The following ABCA1 variants were observed in gnomAD, a reference collection of about 807,000 sequenced individuals.
ABCA1 encodes phospholipid-transporting ATPase ABCA1.
In ABCA1, 133 loss-of-function variants were observed where a neutral mutation model predicts 262.5. The observed-to-expected ratio is 0.51, with a 90% confidence interval of 0.44 to 0.59. ABCA1 has a LOEUF of 0.59. Among genes scored for constraint, ABCA1 ranks in the 20% least tolerant of loss-of-function variants. The probability of loss-of-function intolerance (pLI) is 0.00; values close to 1 mark genes in which losing one functional copy is unlikely to be tolerated. For synonymous variants in ABCA1, 1,022 were observed against 1,043.5 expected (o/e 0.98, Z 0.40); for missense variants, 2,452 against 2,777.5 (o/e 0.88, Z 2.63).
chr9:104,824,660 TTG>T, intron 17 of ABCA1, 82 bp from the exon 18 acceptor site: 1 of 1,484,260 alleles, frequency 6.7e-7, no homozygotes, highest in Non-Finnish European at 9.3e-7. Flanking sequence ...CATTTCCTCC[TTG>T]ACACATCCTT....
At chr9:104,813,770 T>C (rs1831486343) in intron 27 of ABCA1, among the ~76,000 whole-genome samples, 1 of 152,254 alleles carries the variant, frequency 6.6e-6, no homozygotes. Flanking sequence ...CCTTTCTGAC[T>C]CTTTCAAAAT....
intron 15 of ABCA1, among the ~76,000 whole-genome samples, chr9:104,827,978 G>A (rs1832945203): frequency 6.6e-6 from 1 of 152,194 alleles, no homozygotes; most frequent in Admixed American, 6.5e-5. Flanking sequence ...TATTAAATTA[G>A]TTAGTTCTTA....
chr9:104,831,868 GACA>G, intron 12 of ABCA1, 41 bp from the exon 13 acceptor site: 1 of 1,589,756 alleles, frequency 6.3e-7, no homozygotes, highest in South Asian at 1.1e-5. Context: ...TGGCAGCCAG[GACA>G]ACAAGCAGTG....
chr9:104,804,864 A>G (rs1830632510), intron 31 of ABCA1, 144 bp from the exon 32 acceptor site: 1 of 750,148 alleles, frequency 1.3e-6, no homozygotes, highest in Non-Finnish European at 2.4e-6. Context: ...GTCAACCAGC[A>G]CTGAGACTTG....
intron 1 of ABCA1, among the ~76,000 whole-genome samples, chr9:104,921,484 A>G (rs1842136931): frequency 6.6e-6 from 1 of 152,222 alleles, no homozygotes; most frequent in Admixed American, 6.5e-5. Context: ...AGACTAGAGC[A>G]TTTTCTTAAA....
At chr9:104,859,458 T>C (rs997932631) in intron 6 of ABCA1, among the ~76,000 whole-genome samples, 18 of 144,436 alleles carry the variant, frequency 1.2e-4, no homozygotes, top group African/African-American at 4.9e-4. Context: ...TGAAACATTA[T>C]AGCCAGTATT....
intron 1 of ABCA1, among the ~76,000 whole-genome samples, chr9:104,918,950 C>A (rs890784143): frequency 1.3e-5 from 2 of 152,158 alleles, no homozygotes; most frequent in African/African-American, 4.8e-5. Flanking sequence ...ACCTGGCATC[C>A]TACAAGAATT....
At chr9:104,820,556 G>A (rs1832232033) in intron 20 of ABCA1, among the ~76,000 whole-genome samples, 1 of 152,196 alleles carries the variant, frequency 6.6e-6, no homozygotes, top group South Asian at 2.1e-4. Flanking sequence ...TAGATAAGAA[G>A]AAACATAAGG....
At chr9:104,819,509 T>C (rs1022787864) in intron 22 of ABCA1, 77 bp downstream of exon 22, 2 of 1,600,974 alleles carry the variant, frequency 1.2e-6, no homozygotes, top group African/African-American at 2.7e-5. Flanking sequence ...AGCCTAGCCA[T>C]GAGATACAGC....
chr9:104,853,894 T>C (rs187210478), intron 7 of ABCA1, among the ~76,000 whole-genome samples: 6 of 152,342 alleles, frequency 3.9e-5, no homozygotes, highest in African/African-American at 1.4e-4. Context: ...CCTGCAAAGA[T>C]GTCCACACCC....
intron 1 of ABCA1, among the ~76,000 whole-genome samples, chr9:104,920,604 T>C (rs6479285): frequency 0.15 from 22,144 of 152,170 alleles, 2,434 homozygotes; most frequent in African/African-American, 0.31. Context: ...CTCTGCCTCC[T>C]GGGTTCAAGC....
intron 7 of ABCA1, among the ~76,000 whole-genome samples, chr9:104,852,999 A>AC: frequency 1.3e-5 from 2 of 152,100 alleles, no homozygotes; most frequent in East Asian, 3.9e-4. Flanking sequence ...CTAAATAAAG[A>AC]CCCCTCAAGA....
chr9:104,814,808 C>T (rs1264104153), intron 25 of ABCA1, among the ~76,000 whole-genome samples: 3 of 152,170 alleles, frequency 2.0e-5, no homozygotes, highest in African/African-American at 7.2e-5. Context: ...CCAGCCTGAC[C>T]AACATGGATA....
Position 104,824,500 on chromosome 9 carries a change from C to G in ABCA1, c.2621G>C (p.Ser874Thr). The G allele has an allele frequency of 1.8e-5, 29 of 1,614,158 alleles. No individual in the cohort carries two copies. The highest frequency in any genetic ancestry group is 2.5e-5 in the Non-Finnish European group (29 of 1,180,042). Residue 874 changes from serine to threonine, a missense_variant, in exon 18 of 50, where the codon AGC becomes ACC. Transcript: ENST00000374736. ...YWFGEESDEK[S>T]HPGSNQKRIS... is the part of the protein sequence containing the mutation. ...TCTCTTCTGGTTGGAACCAGGGTGG[C>G]TCTTCTCATCACTTTCCTCGCCAAA... is the stretch of plus-strand genomic sequence containing the variant.
At chr9:104,812,488 C>G (rs1831366057) in intron 28 of ABCA1, 86 bp downstream of exon 28, 1 of 1,551,730 alleles carries the variant, frequency 6.4e-7, no homozygotes, top group East Asian at 2.2e-5. Context: ...CATATCTTGA[C>G]CAGGATGCTA....
At chr9:104,913,559 A>G (rs1211776707) in intron 1 of ABCA1, among the ~76,000 whole-genome samples, 2 of 152,128 alleles carry the variant, frequency 1.3e-5, no homozygotes, top group Non-Finnish European at 1.5e-5. Context: ...TTCTTTGTCC[A>G]CAGAAAGGGC....
chr9:104,827,217 C>T (rs1289600917), intron 15 of ABCA1, 48 bp from the exon 16 acceptor site: 2 of 1,489,106 alleles, frequency 1.3e-6, no homozygotes, highest in Admixed American at 1.7e-5. Context: ...CAATCCCAAG[C>T]ACTCACTTGT....
At position 104,882,028 on chromosome 9, in the gene ABCA1, T is replaced by TAAAAAAAAAAAAAAAAAAAAA. The variant is rs557626075; in HGVS notation, c.421+990_421+1010dup. Among the ~76,000 whole-genome samples the TAAAAAAAAAAAAAAAAAAAAA allele has an allele frequency of 1.3e-3, 99 of 73,738 alleles. 11 individuals carry two copies. Among genetic ancestry groups the TAAAAAAAAAAAAAAAAAAAAA allele is most frequent in the East Asian group, 6.2e-3 (11 of 1,778 alleles). 48.4% of individuals were successfully genotyped at this position (73,738 alleles called of 152,430 possible). On this transcript the variant is annotated intron_variant, in intron 5 of 49. Transcript: ENST00000374736. ...CAAGGAAAGCACAGTTCTGTAGCCTTAAAAAAAAAAAAAAAAAAAAAAAAA... is the reference window on the plus strand; with the variant it reads ...CAAGGAAAGCACAGTTCTGTAGCCTTAAAAAAAAAAAAAAAAAAAAAAAAAAAAAAAAAAAAAAAAAAAAAA...
intron 37 of ABCA1, 91 bp from the exon 38 acceptor site, chr9:104,796,515 C>T (rs1395323074): frequency 1.1e-6 from 1 of 929,270 alleles, no homozygotes; most frequent in Non-Finnish European, 1.7e-6. Context: ...CAAGAAAGGG[C>T]AGATAAACAT....
Sources: allele counts gnomAD v4.1 joint callset (sites outside exome capture counted in the v4.1 genomes callset), GRCh38; gene constraint gnomAD v4.1.1; transcripts MANE v1.5; gene names NCBI Gene and HGNC (gene_info 2026-07-23, HGNC 2026-07-21).